SGCD: variants seen among roughly 807,000 people sequenced by gnomAD.
SGCD encodes the protein delta-sarcoglycan.
A neutral mutation model predicts 36.6 loss-of-function variants in SGCD; 18 were observed. That is an observed-to-expected ratio of 0.49 (90% CI 0.34 to 0.73). The LOEUF is 0.73. Ranked by LOEUF, SGCD falls within the 30% of genes least tolerant of loss-of-function variation. The pLI is 0.01. For synonymous variants in SGCD, 133 were observed against 130.6 expected (o/e 1.02, Z -0.12); for missense variants, 387 against 346.7 (o/e 1.12, Z -0.92).
chr5:156,540,534 A>C (rs1291559583), intron 4 of SGCD, among the ~76,000 whole-genome samples: 1 of 152,296 alleles, frequency 6.6e-6, no homozygotes, highest in East Asian at 1.9e-4. Flanking sequence ...TTAAATAGAC[A>C]TTTAACACCT....
At chr5:155,935,092 A>G (rs980443192) in intron 1 of SGCD, among the ~76,000 whole-genome samples, 1 of 152,194 alleles carries the variant, frequency 6.6e-6, no homozygotes, top group East Asian at 1.9e-4. Context: ...CTAAGTCCCT[A>G]GTGATTTTTG....
intron 3 of SGCD, among the ~76,000 whole-genome samples, chr5:156,213,245 A>G (rs1764492472): frequency 6.6e-6 from 1 of 151,980 alleles, no homozygotes. Flanking sequence ...AAAACTGTCA[A>G]ACCTTTAGCA....
chr5:156,115,252 G>T (rs967439958), intron 1 of SGCD, among the ~76,000 whole-genome samples: 1 of 152,046 alleles, frequency 6.6e-6, no homozygotes, highest in African/African-American at 2.4e-5. Context: ...CTGAGAGGAG[G>T]ACTATTAGGA....
intron 6 of SGCD, among the ~76,000 whole-genome samples, chr5:156,605,495 G>T (rs1381497875): frequency 2.6e-5 from 4 of 152,182 alleles, no homozygotes; most frequent in Non-Finnish European, 5.9e-5. Flanking sequence ...TGTGAATAGT[G>T]CTGCAATAAA....
intron 4 of SGCD, among the ~76,000 whole-genome samples, chr5:156,551,372 A>G (rs1421157377): frequency 6.6e-6 from 1 of 151,652 alleles, no homozygotes; most frequent in African/African-American, 2.4e-5. Flanking sequence ...CCTTCCCTAC[A>G]CACTCAAATA....
intron 4 of SGCD, among the ~76,000 whole-genome samples, chr5:156,568,888 A>G (rs1759602371): frequency 6.6e-6 from 1 of 152,262 alleles, no homozygotes; most frequent in Admixed American, 6.5e-5. Flanking sequence ...ATGTAATATC[A>G]CTGATCATAT....
intron 3 of SGCD, among the ~76,000 whole-genome samples, chr5:156,198,921 C>T (rs1249345803): frequency 3.9e-5 from 6 of 151,960 alleles, no homozygotes; most frequent in Admixed American, 2.0e-4. Context: ...GATTCAAACT[C>T]ATGGGCTAAA....
At chr5:156,619,063 T>C (rs186187426) in intron 6 of SGCD, among the ~76,000 whole-genome samples, 6 of 151,928 alleles carry the variant, frequency 3.9e-5, no homozygotes, top group East Asian at 1.9e-4. Context: ...TATCGCTCTG[T>C]TGCCCAGGCT....
intron 3 of SGCD, among the ~76,000 whole-genome samples, chr5:156,312,698 A>C (rs1191012731): frequency 6.6e-6 from 1 of 152,094 alleles, no homozygotes; most frequent in Non-Finnish European, 1.5e-5. Flanking sequence ...CAGTTTCCTC[A>C]TTTATAAAAT....
chr5:155,962,386 T>C (rs1757809613), intron 1 of SGCD, among the ~76,000 whole-genome samples: 1 of 152,042 alleles, frequency 6.6e-6, no homozygotes, highest in South Asian at 2.1e-4. Context: ...CACATTCAAA[T>C]GGCACTAACT....
At chr5:156,485,612 C>T (rs1253773532) in intron 3 of SGCD, among the ~76,000 whole-genome samples, 3 of 151,950 alleles carry the variant, frequency 2.0e-5, no homozygotes, top group Non-Finnish European at 2.9e-5. Context: ...GCAGTGATCA[C>T]GCCATTGCAC....
At chr5:156,615,427 G>T (rs1204651746) in intron 6 of SGCD, among the ~76,000 whole-genome samples, 1 of 152,048 alleles carries the variant, frequency 6.6e-6, no homozygotes, top group Non-Finnish European at 1.5e-5. Context: ...TAAGTACAAA[G>T]CTATTTAAAT....
rs59107352 is a variant in SGCD, at chr5:156,350,247, T to TTATATATA, written c.192+5580_192+5587dup. 4.7e-4 allele frequency among the ~76,000 whole-genome samples: 45 copies of TTATATATA among 95,860 alleles called. 6 individuals are homozygous for TTATATATA. The East Asian group carries it at 9.0e-3, about 19-fold the overall frequency. The allele number at this position is 95,860 out of a possible 152,430, so 62.9% of individuals were successfully genotyped here. A position where few individuals can be genotyped will look rare whatever the true frequency, so the allele number is the denominator to read the frequency against. ...CTCTAAAGCTATTGAGGAAAAAAAA[T>TTATATATA]TATATATATATATATATGTACACAC... On this transcript the variant is annotated intron_variant, in intron 3 of 8. Coordinates refer to ENST00000337851, the MANE Select transcript of SGCD (RefSeq NM_000337.6).
intron 2 of SGCD, among the ~76,000 whole-genome samples, chr5:156,118,153 G>A (rs1761948210): frequency 6.6e-6 from 1 of 152,088 alleles, no homozygotes; most frequent in African/African-American, 2.4e-5. Context: ...CTGGTTTCGA[G>A]ACAGCACAGA....
intron 3 of SGCD, among the ~76,000 whole-genome samples, chr5:156,229,742 C>A (rs1764965896): frequency 6.6e-6 from 1 of 151,994 alleles, no homozygotes; most frequent in African/African-American, 2.4e-5. Flanking sequence ...CTTGATTGTT[C>A]CCCCAAATAT....
At chr5:156,674,345 C>T (rs1753425251) in intron 7 of SGCD, among the ~76,000 whole-genome samples, 2 of 152,202 alleles carry the variant, frequency 1.3e-5, no homozygotes, top group African/African-American at 4.8e-5. Flanking sequence ...AAGTTAAGAA[C>T]AGGTAAAGGC....
chr5:156,136,937 C>A lies in SGCD; in HGVS notation c.-44+12918C>A, dbSNP rs796615870. Among the ~76,000 whole-genome samples, 23 of 152,068 alleles carry A rather than the reference C, an allele frequency of 1.5e-4. 1 individual carries two copies. The highest frequency in any genetic ancestry group is 4.8e-4 in the African/African-American group (20 of 41,484). On this transcript the variant is annotated intron_variant, in intron 3 of 9. Transcript: ENST00000517913. ...ATTTTGTATTACATAAAACATAGTT[C>A]AATAAAGAAATCAAGAAACCACTCA... is the stretch of plus-strand genomic sequence containing the variant.
the SGCD span, among the ~76,000 whole-genome samples, chr5:155,843,113 C>A: frequency 6.6e-6 from 1 of 152,156 alleles, no homozygotes; most frequent in Non-Finnish European, 1.5e-5. Context: ...AATGATTGTA[C>A]AAAGCAATGG....
intron 3 of SGCD, among the ~76,000 whole-genome samples, chr5:156,438,344 T>C (rs981771785): frequency 2.0e-5 from 3 of 152,134 alleles, no homozygotes; most frequent in Non-Finnish European, 4.4e-5. Context: ...CCTATTATTC[T>C]GTGTGGTGGA....
Sources: gnomAD v4.1 joint callset for allele counts (sites outside exome capture counted in the v4.1 genomes callset) on GRCh38, gnomAD v4.1.1 for gene constraint, MANE v1.5 for transcripts, NCBI Gene and HGNC (gene_info 2026-07-23, HGNC 2026-07-21) for gene names.